Variants in HMCN1 observed in about 807,000 individuals in gnomAD.
HMCN1 encodes the protein hemicentin 1, also known as hemicentin-1.
A neutral mutation model predicts 625.9 loss-of-function variants in HMCN1; 321 were observed. The observed-to-expected ratio is 0.51, with a 90% confidence interval of 0.47 to 0.56. The LOEUF (loss-of-function observed/expected upper bound fraction) is 0.56. Among genes scored for constraint, HMCN1 ranks in the 20% least tolerant of loss-of-function variants. The pLI is 0.00. For missense variants in HMCN1, 6,588 were observed against 6,887.3 expected (o/e 0.96, Z 1.54); for synonymous variants, 2,425 against 2,417.6 (o/e 1.00, Z -0.09).
At chr1:186,073,626 G>C (rs766027478) in intron 52 of HMCN1, among the ~76,000 whole-genome samples, 5 of 152,090 alleles carry the variant, frequency 3.3e-5, no homozygotes, top group Admixed American at 1.3e-4. Flanking sequence ...GTTTTGCCAG[G>C]GGAGTAAAAT....
In HMCN1 at chr1:185,812,820, C is replaced by T. The variant is rs150067360; in HGVS notation, c.269-33206C>T. Among the ~76,000 whole-genome samples the T allele has an allele frequency of 1.4e-3, 206 of 152,194 alleles. 1 individual carries two copies. The highest frequency in any genetic ancestry group is 4.8e-3 in the African/African-American group (199 of 41,538). Reference sequence around the variant, plus strand: ...GCAATCCCCCCCCACACACATTCCCCTCATTGATATGCATCATGCACAATA... The same window carrying T: ...GCAATCCCCCCCCACACACATTCCCTTCATTGATATGCATCATGCACAATA... On this transcript the variant is annotated intron_variant, in intron 1 of 106. Transcript: ENST00000271588.
intron 11 of HMCN1, among the ~76,000 whole-genome samples, chr1:185,935,605 A>G (rs1207963234): frequency 7.0e-6 from 1 of 143,138 alleles, no homozygotes; most frequent in Admixed American, 6.7e-5. Flanking sequence ...ATAAAAAAAT[A>G]TGACAGTACA....
intron 36 of HMCN1, among the ~76,000 whole-genome samples, chr1:186,029,412 G>A (rs1655271792): frequency 6.6e-6 from 1 of 152,108 alleles, no homozygotes; most frequent in Non-Finnish European, 1.5e-5. Flanking sequence ...TCACATAATA[G>A]AAGATTCATC....
chr1:185,845,646 C>T (rs993613051), intron 1 of HMCN1, among the ~76,000 whole-genome samples: 2 of 152,198 alleles, frequency 1.3e-5, no homozygotes, highest in Non-Finnish European at 2.9e-5. Flanking sequence ...AACAAATTTA[C>T]ACTTTAAAGT....
At chr1:186,143,748 A>C (rs141715892) in intron 89 of HMCN1, among the ~76,000 whole-genome samples, 1 of 152,310 alleles carries the variant, frequency 6.6e-6, no homozygotes, top group Non-Finnish European at 1.5e-5. Flanking sequence ...TTGTGGAAAT[A>C]TTTGTATTGT....
rs570453636 is a variant in HMCN1, at chr1:185,877,629, A to G, written c.621+11766A>G. 2.0e-5 allele frequency among the ~76,000 whole-genome samples: 3 copies of G among 152,112 alleles called. No individual in the cohort carries two copies. The South Asian group carries it at 6.2e-4, about 32-fold the overall frequency. ...GATTTTTGATTTGTTTATGTCATCT[A>G]TAATTTCTTTCATCAGTGTTTGGTA... is the stretch of plus-strand genomic sequence containing the variant. On this transcript the variant is annotated intron_variant, in intron 4 of 106. Transcript: ENST00000271588.
chr1:185,858,292 C>G (rs1030190066), intron 2 of HMCN1, among the ~76,000 whole-genome samples: 1 of 151,746 alleles, frequency 6.6e-6, no homozygotes. Flanking sequence ...TCAAGAAGAC[C>G]TTCTATAGAT....
At chr1:186,026,849 G>A (rs1655089740) in intron 36 of HMCN1, among the ~76,000 whole-genome samples, 1 of 151,946 alleles carries the variant, frequency 6.6e-6, no homozygotes, top group African/African-American at 2.4e-5. Context: ...TGCCCAGGCT[G>A]GTCTTGAACT....
chr1:185,893,804 C>A (rs1393454505), intron 4 of HMCN1, among the ~76,000 whole-genome samples: 1 of 152,082 alleles, frequency 6.6e-6, no homozygotes, highest in African/African-American at 2.4e-5. Flanking sequence ...TATATACATA[C>A]AGAAAAGTGC....
intron 11 of HMCN1, among the ~76,000 whole-genome samples, chr1:185,944,162 G>GA (rs5779267): frequency 0.051 from 7,479 of 147,168 alleles, 424 homozygotes; most frequent in African/African-American, 0.14. Flanking sequence ...AGGAAAGTGG[G>GA]AAAAAAAAAA....
Position 186,144,281 on chromosome 1 carries a change from G to T in HMCN1, c.14033G>T (p.Gly4678Val), listed in dbSNP as rs1558256431. 1 of 1,613,920 alleles carries T rather than the reference G, an allele frequency of 6.2e-7. No individual in the cohort carries two copies. The highest frequency in any genetic ancestry group is 8.5e-7 in the Non-Finnish European group (1 of 1,180,014). Residue 4678 changes from glycine to valine, a missense_variant, in exon 90 of 107, where the codon GGT (glycine) becomes GTT (valine). By Grantham distance (109) the Gly-to-Val change is moderately radical (BLOSUM62 -3). Around this residue, in one of 3 missense-constraint regions of HMCN1, gnomAD observed 1,954 missense variants for 2,013.1 expected, o/e 0.97. Transcript: ENST00000271588. ...RLCNNPPPAF[G>V]GSYCDGAETQ... The stretch of plus-strand genomic sequence containing the variant: ...TGTAATAACCCACCACCAGCGTTTG[G>T]TGGGTCCTACTGTGATGGAGCAGAA...
chr1:185,837,097 A>T (rs978220629), intron 1 of HMCN1, among the ~76,000 whole-genome samples: 1 of 150,704 alleles, frequency 6.6e-6, no homozygotes, highest in Non-Finnish European at 1.5e-5. Flanking sequence ...TCTACTGTTG[A>T]TGGGCATTTA....
intron 11 of HMCN1, among the ~76,000 whole-genome samples, chr1:185,950,785 C>A (rs1299285614): frequency 3.3e-5 from 5 of 149,864 alleles, no homozygotes; most frequent in Admixed American, 6.7e-5. Context: ...TGTTTGAGAT[C>A]CAGAACAGAA....
chr1:185,799,875 T>A (rs1307235825), intron 1 of HMCN1, among the ~76,000 whole-genome samples: 1 of 152,188 alleles, frequency 6.6e-6, no homozygotes, highest in South Asian at 2.1e-4. Flanking sequence ...GGTGGGGCTA[T>A]GGAACTCCCA....
At chr1:186,134,058 G>C (rs563239109) in intron 86 of HMCN1, among the ~76,000 whole-genome samples, 1 of 152,154 alleles carries the variant, frequency 6.6e-6, no homozygotes, top group African/African-American at 2.4e-5. Flanking sequence ...AGCTACATTA[G>C]AGCAGCTCAT....
intron 6 of HMCN1, among the ~76,000 whole-genome samples, chr1:185,920,075 A>C (rs1666925357): frequency 6.6e-6 from 1 of 152,250 alleles, no homozygotes; most frequent in Admixed American, 6.5e-5. Flanking sequence ...GCACTTTCTC[A>C]TGAAGAAATT....
intron 35 of HMCN1, among the ~76,000 whole-genome samples, chr1:186,022,694 G>C (rs1654798110): frequency 6.6e-6 from 1 of 151,592 alleles, no homozygotes; most frequent in African/African-American, 2.4e-5. Context: ...ATATAAATGT[G>C]GCCAGGTTTT....
chr1:185,773,819 G>A (rs1191701326), intron 1 of HMCN1, among the ~76,000 whole-genome samples: 1 of 152,116 alleles, frequency 6.6e-6, no homozygotes, highest in Non-Finnish European at 1.5e-5. Context: ...ATTAGAGTAA[G>A]AGCTGTAAAA....
At chr1:185,832,021 C>T (rs1185753809) in intron 1 of HMCN1, among the ~76,000 whole-genome samples, 4 of 152,248 alleles carry the variant, frequency 2.6e-5, no homozygotes, top group East Asian at 1.9e-4. Context: ...AATGGCCGGG[C>T]GTGGTGGCTC....
Sources: allele counts gnomAD v4.1 joint callset (sites outside exome capture counted in the v4.1 genomes callset), GRCh38; gene constraint gnomAD v4.1.1; regional missense constraint gnomAD v4.1.1; transcripts MANE v1.5; gene names NCBI Gene and HGNC (gene_info 2026-07-23, HGNC 2026-07-21).